PHF21A: variants seen among roughly 807,000 people sequenced by gnomAD.
The protein encoded by PHF21A is PHD finger protein 21A.
A neutral mutation model predicts 82.5 loss-of-function variants in PHF21A; 11 were observed. The observed-to-expected ratio is 0.13, with a 90% CI of 0.08 to 0.22. PHF21A has a LOEUF of 0.22. PHF21A is among the 10% of genes least tolerant of loss of function. The pLI, the probability that PHF21A is intolerant of heterozygous loss-of-function variation, is 1.00. For synonymous variants in PHF21A, 297 were observed against 302.8 expected (o/e 0.98, Z 0.20); for missense variants, 579 against 837.8 (o/e 0.69, Z 3.81).
At chr11:45,978,116 A>AAACC (rs2094124930) in intron 7 of PHF21A, among the ~76,000 whole-genome samples, 1 of 152,090 alleles carries the variant, frequency 6.6e-6, no homozygotes, top group Admixed American at 6.5e-5. Flanking sequence ...CCTGGCCAAT[A>AAACC]TGGTAAAACC....
In PHF21A at chr11:45,934,019, G is replaced by C; in HGVS notation, c.1995C>G (p.Pro665=). 6.2e-7 allele frequency: 1 copy of C among 1,610,442 alleles called. No homozygotes were observed. Among genetic ancestry groups the C allele is most frequent in the South Asian group, 1.1e-5 (1 of 90,642 alleles). Residue 665 remains proline (P), a synonymous_variant, in exon 19 of 19, where the codon CCC becomes CCG. Transcript: ENST00000676320. The part of the protein sequence containing the change: ...NAATSTPAPS[P]SSQSCTANCN... The stretch of plus-strand genomic sequence containing the variant: ...AGTTCGCTGTGCAGCTCTGGGAGGA[G>C]GGGGAAGGGGCCGGCGTGGAGGTGG...
chr11:45,946,122 T>G (rs1169943642), intron 14 of PHF21A, 119 bp from the exon 15 acceptor site: 1 of 1,610,698 alleles, frequency 6.2e-7, no homozygotes, highest in African/African-American at 1.3e-5. Flanking sequence ...GGAAGTGAGG[T>G]AGCAGACAGA....
chr11:45,990,857 G>T (rs909430654), intron 6 of PHF21A, among the ~76,000 whole-genome samples: 1 of 151,976 alleles, frequency 6.6e-6, no homozygotes, highest in Non-Finnish European at 1.5e-5. Flanking sequence ...CAGAACATTT[G>T]TTACAATCGA....
At chr11:46,092,144 G>C (rs2096932963) in intron 2 of PHF21A, 39 bp downstream of exon 2, 1 of 151,660 alleles carries the variant, frequency 6.6e-6, no homozygotes, top group African/African-American at 2.4e-5. Context: ...GCTAGCATCA[G>C]GATCAGGCAC....
chr11:45,946,148 T>A (rs2091263121), intron 14 of PHF21A, 145 bp from the exon 15 acceptor site: 1 of 1,585,288 alleles, frequency 6.3e-7, no homozygotes, highest in Non-Finnish European at 8.6e-7. Context: ...AATTCAACAG[T>A]CCCAAAGGAA....
chr11:45,936,821 A>G (rs2089180505), intron 16 of PHF21A: 1 of 427,200 alleles, frequency 2.3e-6, no homozygotes, highest in African/African-American at 2.1e-5. Flanking sequence ...GACTTGGCTG[A>G]GCATTCCTAT....
intron 7 of PHF21A, among the ~76,000 whole-genome samples, chr11:45,977,206 G>C (rs571675750): frequency 1.4e-5 from 2 of 147,676 alleles, no homozygotes; most frequent in Admixed American, 1.4e-4. Context: ...GTACGATCTC[G>C]GCTCACTGGA....
In PHF21A at chr11:46,085,990, A is replaced by T. The variant is rs1843240118; in HGVS notation, c.-83-1688T>A. Among the ~76,000 whole-genome samples, 3 of 152,156 alleles carry T rather than the reference A, an allele frequency of 2.0e-5. 1 individual carries two copies. The South Asian group carries it at 6.2e-4, about 32-fold the overall frequency. ...TCCTTTAAATTCACATTTGCAAAGG[A>T]TAGGAAAAATTTACTGTATAATGAT... On this transcript the variant is annotated intron_variant, in intron 3 of 18. Coordinates refer to ENST00000676320, the MANE Select transcript of PHF21A (RefSeq NM_001352027.3).
At chr11:45,974,536 C>G (rs1052318475) in intron 7 of PHF21A, among the ~76,000 whole-genome samples, 1 of 152,022 alleles carries the variant, frequency 6.6e-6, no homozygotes, top group East Asian at 1.9e-4. Context: ...TCACTGCAGC[C>G]TTGACCTCCT....
intron 15 of PHF21A, among the ~76,000 whole-genome samples, chr11:45,941,666 G>C (rs1474880519): frequency 1.3e-5 from 2 of 152,212 alleles, no homozygotes; most frequent in East Asian, 1.9e-4. Flanking sequence ...AAAAAGAGCA[G>C]AGGAAGTCCT....
chr11:45,940,340 C>T (rs879329817), intron 15 of PHF21A, among the ~76,000 whole-genome samples: 14 of 151,920 alleles, frequency 9.2e-5, no homozygotes, highest in Non-Finnish European at 1.9e-4. Flanking sequence ...GGATTACAGG[C>T]GCCCACCACC....
intron 1 of PHF21A, among the ~76,000 whole-genome samples, chr11:46,094,406 T>C (rs958550967): frequency 7.9e-5 from 12 of 152,182 alleles, no homozygotes; most frequent in African/African-American, 2.9e-4. Context: ...AGCTAGCTGA[T>C]AGTGAAGCTG....
chr11:46,082,028 G>A (rs1321172557), intron 4 of PHF21A, among the ~76,000 whole-genome samples: 1 of 151,954 alleles, frequency 6.6e-6, no homozygotes, highest in African/African-American at 2.4e-5. Context: ...ATCTAAATAA[G>A]ATCAAAAAAG....
At chr11:46,013,952 C>CT in intron 6 of PHF21A, among the ~76,000 whole-genome samples, 1 of 152,274 alleles carries the variant, frequency 6.6e-6, no homozygotes, top group East Asian at 1.9e-4. Context: ...CTACTCTAGA[C>CT]TTTATAATAC....
intron 10 of PHF21A, among the ~76,000 whole-genome samples, chr11:45,964,970 T>G (rs2093344954): frequency 6.6e-6 from 1 of 152,218 alleles, no homozygotes; most frequent in Admixed American, 6.5e-5. Context: ...GGATTCTTAT[T>G]GGGCCGAAAC....
chr11:46,092,055 A>C (rs1475227250), intron 2 of PHF21A, 128 bp downstream of exon 2: 1 of 151,268 alleles, frequency 6.6e-6, no homozygotes, highest in Non-Finnish European at 1.5e-5. Flanking sequence ...CACTTAGTGC[A>C]AATAGCAAAG....
chr11:46,070,331 C>T (rs896531008), intron 6 of PHF21A, among the ~76,000 whole-genome samples: 1 of 151,836 alleles, frequency 6.6e-6, no homozygotes, highest in African/African-American at 2.4e-5. Context: ...GAAATGGTGA[C>T]TATAATTTTT....
intron 9 of PHF21A, among the ~76,000 whole-genome samples, chr11:45,967,777 C>G (rs578251496): frequency 3.3e-5 from 5 of 152,138 alleles, no homozygotes; most frequent in African/African-American, 4.8e-5. Context: ...GAACTTAAAA[C>G]GACCCTGTGG....
intron 12 of PHF21A, 91 bp downstream of exon 12, chr11:45,950,115 T>A: frequency 9.4e-7 from 1 of 1,058,684 alleles, no homozygotes; most frequent in Admixed American, 2.2e-5. Flanking sequence ...TGTGTTCCAA[T>A]TTTCTATTCC....
Sources: allele counts gnomAD v4.1 joint callset (sites outside exome capture counted in the v4.1 genomes callset), GRCh38; gene constraint gnomAD v4.1.1; transcripts MANE v1.5; gene names NCBI Gene and HGNC (gene_info 2026-07-23, HGNC 2026-07-21).